Variants in ACBD6 observed in about 807,000 individuals in gnomAD.
The protein encoded by ACBD6 is acyl-CoA binding domain containing 6.
In ACBD6, 28 loss-of-function variants were observed where a neutral mutation model predicts 37.2. The observed-to-expected ratio is 0.75, with a 90% CI of 0.56 to 1.03. ACBD6 has a LOEUF of 1.03. ACBD6 is among the 50% of genes least tolerant of loss of function. The pLI is 0.00. For synonymous variants in ACBD6, 113 were observed against 126.8 expected, an observed-to-expected ratio of 0.89 and a Z score of 0.73; for missense variants, 340 against 337.4, an observed-to-expected ratio of 1.01 and a Z score of -0.06.
At chr1:180,320,171 T>C (rs1326079183) in intron 6 of ACBD6, among the ~76,000 whole-genome samples, 1 of 152,240 alleles carries the variant, frequency 6.6e-6, no homozygotes, top group Admixed American at 6.5e-5. Flanking sequence ...TATTTGTTAT[T>C]GCCTGTCTTT....
chr1:180,342,904 AATTG>A (rs1351585360), intron 6 of ACBD6, among the ~76,000 whole-genome samples: 32 of 151,988 alleles, frequency 2.1e-4, no homozygotes, highest in African/African-American at 7.7e-4. Context: ...TCTAGATTTA[AATTG>A]ATTGAATTTT....
intron 6 of ACBD6, among the ~76,000 whole-genome samples, chr1:180,346,375 C>G (rs1364596354): frequency 6.6e-6 from 1 of 152,122 alleles, no homozygotes; most frequent in Non-Finnish European, 1.5e-5. Context: ...AGGCAGAAAT[C>G]CAAAGTAAGC....
rs559879861 is a variant in ACBD6, at chr1:180,435,368, C to A, written c.385-5106G>T. 2.0e-5 allele frequency: 8 copies of A among 407,238 alleles called. No individual in the cohort carries two copies. In the South Asian group the frequency reaches 2.1e-4, roughly 11 times the overall value. The allele number at this position is 407,238 out of a possible 1,614,324, so 25.2% of individuals were successfully genotyped here. A position where few individuals can be genotyped will look rare whatever the true frequency, so the allele number is the denominator to read the frequency against. ...GTTTCACGCCATTCTCCTGCCTCAG[C>A]CTCCCAAGTAACTGGGACTACAGGC... On this transcript the variant is annotated intron_variant, in intron 3 of 7. Coordinates refer to ENST00000367595, the MANE Select transcript of ACBD6 (RefSeq NM_032360.4).
intron 5 of ACBD6, among the ~76,000 whole-genome samples, chr1:180,402,665 C>A (rs1263972572): frequency 6.6e-6 from 1 of 152,052 alleles, no homozygotes; most frequent in Non-Finnish European, 1.5e-5. Flanking sequence ...TGGTGGCACA[C>A]TTCTGTAGTC....
chr1:180,330,318 G>A (rs2149300063), intron 6 of ACBD6, among the ~76,000 whole-genome samples: 1 of 151,666 alleles, frequency 6.6e-6, no homozygotes, highest in African/African-American at 2.4e-5. Flanking sequence ...TATTTGAGAG[G>A]CTGAGGTGGG....
At chr1:180,459,231 T>C (rs1177764395) in intron 3 of ACBD6, among the ~76,000 whole-genome samples, 1 of 152,220 alleles carries the variant, frequency 6.6e-6, no homozygotes, top group Non-Finnish European at 1.5e-5. Flanking sequence ...CAACTTAATG[T>C]TTCTAAATTT....
At chr1:180,426,210 T>C (rs1331018274) in intron 4 of ACBD6, among the ~76,000 whole-genome samples, 1 of 152,202 alleles carries the variant, frequency 6.6e-6, no homozygotes, top group Non-Finnish European at 1.5e-5. Flanking sequence ...GTAAGCAGAA[T>C]TAATAAAATT....
At chr1:180,293,851 T>A (rs1364164276) in intron 7 of ACBD6, among the ~76,000 whole-genome samples, 1 of 152,118 alleles carries the variant, frequency 6.6e-6, no homozygotes, top group African/African-American at 2.4e-5. Flanking sequence ...CTCCAAGTGA[T>A]CCTCTTCCCC....
chr1:180,394,571 A>G (rs1221081655), intron 6 of ACBD6, among the ~76,000 whole-genome samples: 1 of 152,204 alleles, frequency 6.6e-6, no homozygotes, highest in Non-Finnish European at 1.5e-5. Context: ...TTTTGAAGCT[A>G]TAATACTTAA....
chr1:180,335,270 G>C (rs1319005629), intron 6 of ACBD6, among the ~76,000 whole-genome samples: 1 of 152,178 alleles, frequency 6.6e-6, no homozygotes, highest in Non-Finnish European at 1.5e-5. Flanking sequence ...AGAAAGGTCA[G>C]GTAACCCACA....
intron 6 of ACBD6, among the ~76,000 whole-genome samples, chr1:180,320,808 C>T (rs1344135887): frequency 6.6e-6 from 1 of 151,972 alleles, no homozygotes; most frequent in Admixed American, 6.6e-5. Context: ...GATGTGATCT[C>T]AGTTGTTCAT....
intron 9 of ACBD6, chr1:180,276,500 A>ATGT (rs1433093882): frequency 7.2e-5 from 11 of 152,166 alleles, no homozygotes; most frequent in African/African-American, 2.7e-4. Flanking sequence ...TTGAGGTTCC[A>ATGT]TGTTTATGGA....
chr1:180,463,530 G>A lies in ACBD6; in HGVS notation c.384+28739C>T, dbSNP rs114902061. 5.7e-3 allele frequency among the ~76,000 whole-genome samples: 869 copies of A among 151,834 alleles called. 7 individuals are homozygous for A. Among genetic ancestry groups the A allele is most frequent in the African/African-American group, 0.02 (815 of 41,384 alleles). The stretch of plus-strand genomic sequence containing the variant: ...GAAGAAACTGAATCCCTAAAAAGAC[G>A]AATAACGAGCTCTGAAGTTGAGGTA... On this transcript the variant is annotated intron_variant, in intron 3 of 7. Coordinates refer to ENST00000367595, the MANE Select transcript of ACBD6 (RefSeq NM_032360.4).
At chr1:180,327,778 T>TACTGTAC (rs1651312912) in intron 6 of ACBD6, among the ~76,000 whole-genome samples, 1 of 152,240 alleles carries the variant, frequency 6.6e-6, no homozygotes, top group Non-Finnish European at 1.5e-5. Flanking sequence ...ATGAACAGGA[T>TACTGTAC]ATTTAGCTTA....
intron 7 of ACBD6, among the ~76,000 whole-genome samples, chr1:180,301,112 G>C (rs1309444278): frequency 6.6e-6 from 1 of 152,172 alleles, no homozygotes; most frequent in African/African-American, 2.4e-5. Context: ...TCAAACATTT[G>C]TAGAAAAGGC....
chr1:180,481,688 A>AT (rs1399287350), intron 3 of ACBD6, among the ~76,000 whole-genome samples: 1 of 151,940 alleles, frequency 6.6e-6, no homozygotes, highest in Non-Finnish European at 1.5e-5. Context: ...TATACTGAGC[A>AT]TAAGTTATGC....
intron 6 of ACBD6, among the ~76,000 whole-genome samples, chr1:180,328,903 T>C (rs995730343): frequency 6.6e-6 from 1 of 152,156 alleles, no homozygotes; most frequent in African/African-American, 2.4e-5. Context: ...CCTTTCTTTC[T>C]AGGAAACAAT....
At chr1:180,490,304 C>T (rs574793036) in intron 3 of ACBD6, among the ~76,000 whole-genome samples, 1 of 152,194 alleles carries the variant, frequency 6.6e-6, no homozygotes, top group East Asian at 1.9e-4. Context: ...TATTTGGTGT[C>T]TTATAAAAGA....
At chr1:180,463,861 A>G (rs1650243327) in intron 3 of ACBD6, among the ~76,000 whole-genome samples, 1 of 152,214 alleles carries the variant, frequency 6.6e-6, no homozygotes, top group Non-Finnish European at 1.5e-5. Flanking sequence ...ATCCACCATG[A>G]TCAAGTAGGC....
Sources: gnomAD v4.1 joint callset for allele counts (sites outside exome capture counted in the v4.1 genomes callset) on GRCh38, gnomAD v4.1.1 for gene constraint, MANE v1.5 for transcripts, NCBI Gene and HGNC (gene_info 2026-07-23, HGNC 2026-07-21) for gene names.